ANKRD28: variants seen among roughly 807,000 people sequenced by gnomAD.
ANKRD28 encodes serine/threonine-protein phosphatase 6 regulatory ankyrin repeat subunit A.
A neutral mutation model predicts 126.5 loss-of-function variants in ANKRD28; 44 were observed. The ratio of observed to expected loss-of-function variants is 0.35; its 90% CI spans 0.27 to 0.45. ANKRD28 has a LOEUF of 0.45. ANKRD28 is among the 20% of genes least tolerant of loss of function. The pLI, the probability that ANKRD28 is intolerant of heterozygous loss-of-function variation, is 1.00. For missense variants in ANKRD28, 1,110 were observed against 1,316.6 expected (o/e 0.84, Z 2.43); for synonymous variants, 442 against 468.5 (o/e 0.94, Z 0.73).
At chr3:15,722,779 T>C (rs1254261301) in intron 7 of ANKRD28, among the ~76,000 whole-genome samples, 3 of 152,094 alleles carry the variant, frequency 2.0e-5, no homozygotes, top group Non-Finnish European at 4.4e-5. Context: ...CACAAGAAGG[T>C]AGAACACAGA....
In ANKRD28 at chr3:15,754,158, T is replaced by A. The variant is rs79076918; in HGVS notation, c.281-2338A>T. ...CCAGTCAACCATGGTCTGAAAATAT[T>A]AAAGGGAAAATTCCAGAAATAAATA... On this transcript the variant is annotated intron_variant, in intron 3 of 27. Coordinates refer to ENST00000683139, the MANE Select transcript of ANKRD28 (RefSeq NM_001349278.2). 8.5e-5 allele frequency among the ~76,000 whole-genome samples: 13 copies of A among 152,316 alleles called. No individual in the cohort carries two copies. The East Asian group carries it at 2.5e-3, about 29-fold the overall frequency.
intron 14 of ANKRD28, among the ~76,000 whole-genome samples, chr3:15,702,800 T>C (rs1217036209): frequency 3.9e-5 from 6 of 152,186 alleles, no homozygotes; most frequent in African/African-American, 1.2e-4. Flanking sequence ...CATCATGGCA[T>C]ACAACAGTTC....
rs368511048 is a variant in ANKRD28, at chr3:15,686,212, C to T, written c.2051+10G>A. On this transcript the variant is annotated intron_variant, in intron 19 of 27. Coordinates refer to ENST00000683139, the MANE Select transcript of ANKRD28 (RefSeq NM_001349278.2). The stretch of plus-strand genomic sequence containing the variant: ...CTTCTGTGATGCAACAATTATTTAT[C>T]GAAACTTACTGTCCATTTCCATCTT... 17 of 1,589,718 alleles carry T rather than the reference C, an allele frequency of 1.1e-5. No homozygotes were observed. In the East Asian group the frequency reaches 1.8e-4, roughly 17 times the overall value.
At chr3:15,790,271 G>A (rs2059967455) in intron 2 of ANKRD28, among the ~76,000 whole-genome samples, 1 of 151,818 alleles carries the variant, frequency 6.6e-6, no homozygotes, top group Non-Finnish European at 1.5e-5. Context: ...AATAGAGGAG[G>A]GAATACTTCC....
At chr3:15,788,380 G>A (rs2059876561) in intron 2 of ANKRD28, among the ~76,000 whole-genome samples, 1 of 152,036 alleles carries the variant, frequency 6.6e-6, no homozygotes, top group Admixed American at 6.6e-5. Context: ...TCAACAATAT[G>A]CTTTATTTCT....
At chr3:15,831,069 T>C (rs996448107) in intron 1 of ANKRD28, among the ~76,000 whole-genome samples, 1 of 152,222 alleles carries the variant, frequency 6.6e-6, no homozygotes, top group Non-Finnish European at 1.5e-5. Context: ...CCTGGACCTC[T>C]GTCCTATGCA....
rs944124355 is a variant in ANKRD28 at position 15,804,793 on chromosome 3, A to G, written c.28-9487T>C. Among the ~76,000 whole-genome samples, 11 of 145,562 alleles carry G rather than the reference A, an allele frequency of 7.6e-5. 1 individual carries two copies. The highest frequency in any genetic ancestry group is 1.6e-4 in the Non-Finnish European group (11 of 67,228). On this transcript the variant is annotated intron_variant, in intron 1 of 27. Transcript: ENST00000399451. ...AAAATGTCATCTACAAAGAAATGAA[A>G]TCACCTAGATGACAGACAAACATGA...
chr3:15,745,712 G>A (rs1354632849), intron 4 of ANKRD28, among the ~76,000 whole-genome samples: 2 of 144,356 alleles, frequency 1.4e-5, no homozygotes. Context: ...GGTTCCATAT[G>A]AATTTCAGAA....
intron 2 of ANKRD28, among the ~76,000 whole-genome samples, chr3:15,793,503 A>C (rs765046116): frequency 5.3e-5 from 8 of 152,202 alleles, no homozygotes; most frequent in Non-Finnish European, 1.0e-4. Context: ...AATTGATTAA[A>C]TATAACATAA....
chr3:15,706,434 G>A (rs543548839), intron 14 of ANKRD28, among the ~76,000 whole-genome samples: 1 of 152,064 alleles, frequency 6.6e-6, no homozygotes, highest in African/African-American at 2.4e-5. Context: ...CTTTTTTATG[G>A]CTGCATAGTA....
rs116591172 is a variant in ANKRD28, at chr3:15,808,395, G to A, written c.28-13089C>T. On this transcript the variant is annotated intron_variant, in intron 1 of 27. Coordinates refer to the ANKRD28 transcript ENST00000399451. ...AAGTTGGAGAAAGGCCTTATCCCCT[G>A]GCTTTCTACCTCAGAGAGGAAAAAA... 5.6e-3 allele frequency among the ~76,000 whole-genome samples: 857 copies of A among 152,196 alleles called. 6 individuals are homozygous for A. The highest frequency in any genetic ancestry group is 0.02 in the African/African-American group (818 of 41,528).
chr3:15,770,750 C>T (rs929344881), intron 2 of ANKRD28, among the ~76,000 whole-genome samples: 1 of 152,090 alleles, frequency 6.6e-6, no homozygotes, highest in Non-Finnish European at 1.5e-5. Context: ...TTCAATCTCC[C>T]GGAAGAATAT....
chr3:15,691,483 C>A (rs909448688), intron 17 of ANKRD28, among the ~76,000 whole-genome samples: 11 of 152,288 alleles, frequency 7.2e-5, no homozygotes, highest in Middle Eastern at 3.4e-3. Context: ...TTTTCAAAAT[C>A]CAACATGGCA....
chr3:15,685,058 A>T lies in ANKRD28; in HGVS notation c.2389+168T>A, dbSNP rs1048817002. 19 of 627,784 alleles carry T rather than the reference A, an allele frequency of 3.0e-5. No homozygotes were observed. In the African/African-American group the frequency reaches 3.5e-4, roughly 12 times the overall value. The allele number at this position is 627,784 out of a possible 1,614,324, so 38.9% of individuals were successfully genotyped here. On this transcript the variant is annotated intron_variant, in intron 21 of 27. Coordinates refer to ENST00000683139, the MANE Select transcript of ANKRD28 (RefSeq NM_001349278.2). ...TAGTGTCTTGGCTTTAGCATGACAA[A>T]GGACAGGAGTGAGCCTACGTACTAA...
intron 3 of ANKRD28, chr3:15,756,402 T>C: frequency 1.5e-6 from 1 of 685,674 alleles, no homozygotes; most frequent in Non-Finnish European, 1.8e-6. Flanking sequence ...AAAGAAAAGG[T>C]TACCTAAATC....
rs1178451901 is a variant in ANKRD28, at chr3:15,853,716, G to A, written c.27+5661C>T. Reference sequence around the variant, plus strand: ...GATCTCCTGACCTCATGATCCGCCCGCCTCGGTCTCCCAAAGTGCTGGGAT... The same window carrying A: ...GATCTCCTGACCTCATGATCCGCCCACCTCGGTCTCCCAAAGTGCTGGGAT... On this transcript the variant is annotated intron_variant, in intron 1 of 27. Coordinates refer to the ANKRD28 transcript ENST00000399451. This position sits in a 1 kb window ranked among gnomAD's most constrained non-coding sequence, Gnocchi z 4.2. Among the ~76,000 whole-genome samples the A allele has an allele frequency of 3.3e-5, 5 of 152,032 alleles. No homozygotes were observed. Among genetic ancestry groups the A allele is most frequent in the Non-Finnish European group, 7.4e-5 (5 of 68,004 alleles).
chr3:15,834,448 C>T (rs1371083507), intron 1 of ANKRD28, among the ~76,000 whole-genome samples: 1 of 152,110 alleles, frequency 6.6e-6, no homozygotes, highest in African/African-American at 2.4e-5. Flanking sequence ...GTGTTGGTTA[C>T]TATAGTCTTG....
At chr3:15,834,252 G>A (rs577763040) in intron 1 of ANKRD28, among the ~76,000 whole-genome samples, 10 of 152,084 alleles carry the variant, frequency 6.6e-5, no homozygotes, top group African/African-American at 9.7e-5. Flanking sequence ...TGAGAGGCAT[G>A]GGTCCAGTTT....
chr3:15,696,848 A>G (rs1310992021), intron 14 of ANKRD28, among the ~76,000 whole-genome samples: 1 of 152,304 alleles, frequency 6.6e-6, no homozygotes, highest in East Asian at 1.9e-4. Context: ...AAAAAACACT[A>G]TATGTAAAAC....
Sources: allele counts gnomAD v4.1 joint callset (sites outside exome capture counted in the v4.1 genomes callset), GRCh38; gene constraint gnomAD v4.1.1; non-coding constraint Gnocchi (gnomAD v3.1); transcripts MANE v1.5; gene names NCBI Gene and HGNC (gene_info 2026-07-23, HGNC 2026-07-21).